Variants in PELI2 observed in about 807,000 individuals in gnomAD.
PELI2 encodes E3 ubiquitin-protein ligase pellino homolog 2.
Under a neutral mutation model 42.3 loss-of-function variants are expected in PELI2, and 23 were observed. The observed-to-expected ratio is 0.54, with a 90% CI of 0.39 to 0.77. The LOEUF (loss-of-function observed/expected upper bound fraction) is 0.77, where lower values mean the gene tolerates loss of function less well. Ranked by LOEUF, PELI2 falls within the 30% of genes least tolerant of loss-of-function variation. The pLI, the probability that PELI2 is intolerant of heterozygous loss-of-function variation, is 0.00. For synonymous variants in PELI2, 245 were observed against 212.2 expected (o/e 1.15, Z -1.34); for missense variants, 463 against 553.2 (o/e 0.84, Z 1.64).
At position 56,298,425 on chromosome 14, in the gene PELI2, T is replaced by G. The variant is rs1183814597; in HGVS notation, c.*1259T>G. 1 of 152,584 alleles carries G rather than the reference T, an allele frequency of 6.6e-6. No individual in the cohort carries two copies. The highest frequency in any genetic ancestry group is 2.4e-5 in the African/African-American group (1 of 41,460). 9.5% of individuals were successfully genotyped at this position (152,584 alleles called of 1,614,324 possible). ...TTTTGATTAATAATTCTTGGATGCT[T>G]GGCATCGATCGTATCACTGCTCCTA... On this transcript the variant is annotated 3_prime_UTR_variant, in exon 6 of 6. Coordinates refer to ENST00000267460, the MANE Select transcript of PELI2 (RefSeq NM_021255.3).
chr14:56,300,045 G>A lies in PELI2; in HGVS notation c.*2879G>A, dbSNP rs1890127246. ...TTTGGTTCAGCTTTTAGCAAAAAGG[G>A]CTACAGTTCACCCTGCAGAGTATTA... On this transcript the variant is annotated 3_prime_UTR_variant, in exon 6 of 6. Transcript: ENST00000267460. The A allele has an allele frequency of 1.3e-5, 2 of 152,584 alleles. No individual in the cohort carries two copies. Among genetic ancestry groups the A allele is most frequent in the African/African-American group, 4.8e-5 (2 of 41,436 alleles). The allele number at this position is 152,584 out of a possible 1,614,324, so 9.5% of individuals were successfully genotyped here. A position where few individuals can be genotyped will look rare whatever the true frequency, so the allele number is the denominator to read the frequency against.
chr14:56,260,099 G>A (rs76666681), intron 2 of PELI2, among the ~76,000 whole-genome samples: 1 of 152,082 alleles, frequency 6.6e-6, no homozygotes, highest in African/African-American at 2.4e-5. Context: ...ATTCCAGATT[G>A]CCTGTTTTGT....
At chr14:56,232,514 G>A (rs149052647) in intron 2 of PELI2, among the ~76,000 whole-genome samples, 2,396 of 152,150 alleles carry the variant, frequency 0.016, 69 homozygotes, top group African/African-American at 0.055. Flanking sequence ...AAAAGCACAT[G>A]ATTATCTCAA....
intron 2 of PELI2, among the ~76,000 whole-genome samples, chr14:56,254,793 A>G (rs918817663): frequency 6.6e-6 from 1 of 152,258 alleles, no homozygotes; most frequent in Non-Finnish European, 1.5e-5. Context: ...ACAAATTTAC[A>G]AGAAAAAAAC....
At chr14:56,229,977 A>G (rs116940703) in intron 2 of PELI2, among the ~76,000 whole-genome samples, 1 of 152,372 alleles carries the variant, frequency 6.6e-6, no homozygotes, top group Non-Finnish European at 1.5e-5. Context: ...AGCTGATTCA[A>G]TCAAGTTGAA....
At chr14:56,127,924 A>AT (rs1883338382) in intron 1 of PELI2, among the ~76,000 whole-genome samples, 1 of 152,100 alleles carries the variant, frequency 6.6e-6, no homozygotes, top group Non-Finnish European at 1.5e-5. Flanking sequence ...TGCTTTTATA[A>AT]TTTTGTTGTT....
chr14:56,280,427 G>A (rs548062586), intron 3 of PELI2, among the ~76,000 whole-genome samples: 2 of 152,042 alleles, frequency 1.3e-5, no homozygotes, highest in Admixed American at 1.3e-4. Flanking sequence ...TTAAAAAAAA[G>A]AGAATTAATG....
chr14:56,156,127 A>G (rs1884558013), intron 1 of PELI2, among the ~76,000 whole-genome samples: 1 of 152,178 alleles, frequency 6.6e-6, no homozygotes, highest in South Asian at 2.1e-4. Context: ...GTTCTTAAAA[A>G]CAGTAATCTG....
intron 2 of PELI2, among the ~76,000 whole-genome samples, chr14:56,269,955 C>A (rs1238902804): frequency 6.6e-6 from 1 of 152,190 alleles, no homozygotes; most frequent in African/African-American, 2.4e-5. Context: ...TACCACCAAC[C>A]AGATCTAGCT....
chr14:56,294,292 G>A (rs1012695444), intron 5 of PELI2, among the ~76,000 whole-genome samples: 1 of 152,230 alleles, frequency 6.6e-6, no homozygotes, highest in Non-Finnish European at 1.5e-5. Flanking sequence ...GTGTACTGGA[G>A]TGGAGTATTC....
chr14:56,166,192 G>C (rs935369976), intron 1 of PELI2, among the ~76,000 whole-genome samples: 1 of 152,012 alleles, frequency 6.6e-6, no homozygotes, highest in Non-Finnish European at 1.5e-5. Flanking sequence ...CTTATAACCG[G>C]TTATTTTAAC....
intron 2 of PELI2, among the ~76,000 whole-genome samples, chr14:56,214,240 A>G (rs1886816061): frequency 6.6e-6 from 1 of 152,146 alleles, no homozygotes; most frequent in African/African-American, 2.4e-5. Flanking sequence ...GAGCATCTGC[A>G]GCTGTGAGGC....
chr14:56,135,530 T>C (rs1883655255), intron 1 of PELI2, among the ~76,000 whole-genome samples: 1 of 152,178 alleles, frequency 6.6e-6, no homozygotes, highest in South Asian at 2.1e-4. Flanking sequence ...GATGAATCAG[T>C]TTATTATTGA....
In PELI2 at chr14:56,197,677, A is replaced by G. The variant is rs934088479; in HGVS notation, c.207+19213A>G. On this transcript the variant is annotated intron_variant, in intron 2 of 5. Transcript: ENST00000267460. This position sits in a 1 kb window ranked among gnomAD's most constrained non-coding sequence, Gnocchi z 4.9. ...GATTTGTGGTCAGGTGTTATTCTCA[A>G]TGTTTCTGTGAAGGTGTTTTTGGAT... Among the ~76,000 whole-genome samples the G allele has an allele frequency of 3.3e-5, 5 of 152,122 alleles. No individual in the cohort carries two copies. Among genetic ancestry groups the G allele is most frequent in the African/African-American group, 9.7e-5 (4 of 41,402 alleles).
intron 5 of PELI2, among the ~76,000 whole-genome samples, chr14:56,295,766 T>A (rs1435981229): frequency 6.6e-6 from 1 of 152,130 alleles, no homozygotes; most frequent in African/African-American, 2.4e-5. Flanking sequence ...AAACCCAGAG[T>A]CCACACTCCT....
At chr14:56,119,025 T>G (rs1329365815) in intron 1 of PELI2, 10 of 158,732 alleles carry the variant, frequency 6.3e-5, no homozygotes, top group African/African-American at 2.5e-4. Context: ...GGGCACCGGG[T>G]CCGCGGCCGT....
chr14:56,182,382 T>C (rs1253673233), intron 2 of PELI2, among the ~76,000 whole-genome samples: 1 of 152,174 alleles, frequency 6.6e-6, no homozygotes, highest in African/African-American at 2.4e-5. Context: ...GGGACAACTA[T>C]TTTGCTCTTA....
chr14:56,157,155 C>T (rs1884597747), intron 1 of PELI2, among the ~76,000 whole-genome samples: 1 of 152,162 alleles, frequency 6.6e-6, no homozygotes, highest in Non-Finnish European at 1.5e-5. Context: ...AAATTAACTT[C>T]TAGGTAATAT....
intron 2 of PELI2, among the ~76,000 whole-genome samples, chr14:56,237,836 C>T (rs1030176858): frequency 6.6e-6 from 1 of 151,348 alleles, no homozygotes; most frequent in African/African-American, 2.4e-5. Context: ...TGGCACCGTT[C>T]ATTATGGTTG....
Sources: gnomAD v4.1 joint callset for allele counts (sites outside exome capture counted in the v4.1 genomes callset) on GRCh38, gnomAD v4.1.1 for gene constraint, Gnocchi (gnomAD v3.1) non-coding constraint, MANE v1.5 for transcripts, NCBI Gene and HGNC (gene_info 2026-07-23, HGNC 2026-07-21) for gene names.